The following RAB31 variants were observed in gnomAD, a reference collection of about 807,000 sequenced individuals.
The protein encoded by RAB31 is RAB31, member RAS oncogene family.
In RAB31, 21 loss-of-function variants were observed where a neutral mutation model predicts 25.6. That is an observed-to-expected ratio of 0.82 (90% CI 0.58 to 1.18). RAB31 has a LOEUF of 1.18. Ranked by LOEUF, RAB31 falls within the 50% of genes most tolerant of loss-of-function variation. RAB31 has a pLI of 0.00. For missense variants in RAB31, 196 were observed against 250.1 expected (o/e 0.78, Z 1.46); for synonymous variants, 87 against 84.0 (o/e 1.04, Z -0.20).
intron 1 of RAB31, among the ~76,000 whole-genome samples, chr18:9,730,712 A>G (rs1471695187): frequency 6.6e-6 from 1 of 152,252 alleles, no homozygotes; most frequent in Admixed American, 6.5e-5. Context: ...AAGTGACAGC[A>G]GAGAAGATAT....
intron 1 of RAB31, among the ~76,000 whole-genome samples, chr18:9,718,209 C>T (rs1162433821): frequency 1.3e-5 from 2 of 151,988 alleles, no homozygotes; most frequent in Non-Finnish European, 2.9e-5. Flanking sequence ...GGCATCAATA[C>T]TACGTAGTTA....
chr18:9,732,211 T>C (rs1172916918), intron 1 of RAB31, among the ~76,000 whole-genome samples: 2 of 152,152 alleles, frequency 1.3e-5, no homozygotes, highest in African/African-American at 4.8e-5. Flanking sequence ...CCAGACCATC[T>C]TCGTCCAGGG....
intron 1 of RAB31, among the ~76,000 whole-genome samples, chr18:9,733,717 G>T (rs961272421): frequency 6.6e-6 from 1 of 152,054 alleles, no homozygotes; most frequent in Non-Finnish European, 1.5e-5. Flanking sequence ...AGGTTCTTGG[G>T]CTCAGACACC....
chr18:9,734,638 C>T (rs929188298), intron 1 of RAB31, among the ~76,000 whole-genome samples: 5 of 152,070 alleles, frequency 3.3e-5, no homozygotes, highest in African/African-American at 9.7e-5. Context: ...ATGAACAAAG[C>T]GGGGCCCGAG....
Position 9,813,967 on chromosome 18 carries a change from ATTGAAT to A in RAB31, c.202-52_202-47del, listed in dbSNP as rs2068588085. On this transcript the variant is annotated intron_variant, in intron 3 of 6. Transcript: ENST00000578921. ...ATAAAACGTTTATGTTTAATTTGGGATTGAATAAAGTCTGTTCACTTTGGCCTAAAA... is the reference window on the plus strand; with the variant it reads ...ATAAAACGTTTATGTTTAATTTGGGAAAAGTCTGTTCACTTTGGCCTAAAA... 4 of 1,257,084 alleles carry A rather than the reference ATTGAAT, an allele frequency of 3.2e-6. No homozygotes were observed. The Admixed American group carries it at 5.9e-5, about 19-fold the overall frequency. The allele number at this position is 1,257,084 out of a possible 1,614,324, so 77.9% of individuals were successfully genotyped here.
intron 1 of RAB31, among the ~76,000 whole-genome samples, chr18:9,721,614 TAA>T (rs34653831): frequency 3.7e-3 from 532 of 143,288 alleles, no homozygotes; most frequent in Middle Eastern, 3.6e-3. Flanking sequence ...AGACTCCATC[TAA>T]AAAAAAAAAA....
chr18:9,831,776 T>C (rs1055284294), intron 5 of RAB31, among the ~76,000 whole-genome samples: 2 of 152,198 alleles, frequency 1.3e-5, no homozygotes, highest in Non-Finnish European at 2.9e-5. Context: ...CACAGCAAAA[T>C]CAGGGACACA....
intron 3 of RAB31, among the ~76,000 whole-genome samples, chr18:9,806,009 CT>C (rs2068538746): frequency 6.6e-6 from 1 of 152,010 alleles, no homozygotes; most frequent in Admixed American, 6.5e-5. Flanking sequence ...CCCGTCTCTA[CT>C]AAAAAAATAC....
chr18:9,743,694 C>T (rs1319360095), intron 1 of RAB31, among the ~76,000 whole-genome samples: 1 of 152,238 alleles, frequency 6.6e-6, no homozygotes, highest in Non-Finnish European at 1.5e-5. Context: ...CTCTGAGTCA[C>T]CACCACCCTC....
At chr18:9,791,704 C>T (rs2068461105) in intron 2 of RAB31, among the ~76,000 whole-genome samples, 1 of 152,106 alleles carries the variant, frequency 6.6e-6, no homozygotes, top group Admixed American at 6.5e-5. Context: ...AGCAATTCTC[C>T]TGCCTTAGCC....
chr18:9,855,759 G>A lies in RAB31; in HGVS notation c.491-3469G>A, dbSNP rs115037790. On this transcript the variant is annotated intron_variant, in intron 6 of 6. Transcript: ENST00000578921. ...TTCTCCCTGTGTTTAAGGTTGGCAT[G>A]TGTGTGACTTATCCCAGGCTGAGAG... 1.6e-3 allele frequency among the ~76,000 whole-genome samples: 236 copies of A among 152,238 alleles called. 1 individual carries two copies. Among genetic ancestry groups the A allele is most frequent in the African/African-American group, 5.3e-3 (221 of 41,542 alleles).
At chr18:9,775,256 T>G in intron 1 of RAB31, 22 bp from the exon 2 acceptor site, 1 of 1,613,660 alleles carries the variant, frequency 6.2e-7, no homozygotes, top group South Asian at 1.1e-5. Flanking sequence ...ATCTTCACGG[T>G]TGTATCCTCA....
In RAB31 at chr18:9,811,149, A is replaced by C. The variant is rs559613448; in HGVS notation, c.202-2871A>C. Reference sequence around the variant, plus strand: ...CCCAAGTGCGTTCTGGAATGGGGGCAGTGGGTGGCGCCGGCCCTTCAGCAT... The same window carrying C: ...CCCAAGTGCGTTCTGGAATGGGGGCCGTGGGTGGCGCCGGCCCTTCAGCAT... On this transcript the variant is annotated intron_variant, in intron 3 of 6. Coordinates refer to ENST00000578921, the MANE Select transcript of RAB31 (RefSeq NM_006868.4). Among the ~76,000 whole-genome samples, 7 of 152,342 alleles carry C rather than the reference A, an allele frequency of 4.6e-5. No individual in the cohort carries two copies. The East Asian group carries it at 1.3e-3, about 29-fold the overall frequency.
chr18:9,777,515 G>A (rs78704968), intron 2 of RAB31, among the ~76,000 whole-genome samples: 1,648 of 152,246 alleles, frequency 0.011, 34 homozygotes, highest in African/African-American at 0.037. Flanking sequence ...GCGCTTGTAT[G>A]ATAGGTATAC....
At chr18:9,853,065 A>G (rs1363500382) in intron 6 of RAB31, among the ~76,000 whole-genome samples, 1 of 152,080 alleles carries the variant, frequency 6.6e-6, no homozygotes, top group Non-Finnish European at 1.5e-5. Flanking sequence ...CCCATTTTGT[A>G]ATGGGTCGTT....
intron 1 of RAB31, among the ~76,000 whole-genome samples, chr18:9,742,189 C>T (rs914518593): frequency 2.0e-5 from 3 of 152,144 alleles, no homozygotes; most frequent in Non-Finnish European, 4.4e-5. Flanking sequence ...TCAAAGCAGG[C>T]TCTTGGTGAG....
At chr18:9,811,266 A>G (rs974416585) in intron 3 of RAB31, among the ~76,000 whole-genome samples, 2 of 152,320 alleles carry the variant, frequency 1.3e-5, no homozygotes, top group African/African-American at 4.8e-5. Context: ...CAGAGGCTCC[A>G]GAGTCCTTTC....
rs567547085 is a variant in RAB31, at chr18:9,793,226, A to G, written c.201+991A>G. ...GTAGCTGGGACTACAGGCACAAGCC[A>G]CTGCACCTGGCTGATTTTTTTTTTT... On this transcript the variant is annotated intron_variant, in intron 3 of 6. Coordinates refer to ENST00000578921, the MANE Select transcript of RAB31 (RefSeq NM_006868.4). Among the ~76,000 whole-genome samples the G allele has an allele frequency of 1.1e-4, 16 of 149,450 alleles. No individual in the cohort carries two copies. The South Asian group carries it at 2.3e-3, about 22-fold the overall frequency.
chr18:9,811,100 G>A (rs1019003435), intron 3 of RAB31, among the ~76,000 whole-genome samples: 2 of 152,190 alleles, frequency 1.3e-5, no homozygotes, highest in African/African-American at 4.8e-5. Flanking sequence ...GTACGGAAAG[G>A]CATGCATGGC....
Sources: gnomAD v4.1 joint callset for allele counts (sites outside exome capture counted in the v4.1 genomes callset) on GRCh38, gnomAD v4.1.1 for gene constraint, MANE v1.5 for transcripts, NCBI Gene and HGNC (gene_info 2026-07-23, HGNC 2026-07-21) for gene names.